FBXO16: variants seen among roughly 807,000 people sequenced by gnomAD.
FBXO16 encodes F-box only protein 16.
FBXO16 carries 31 observed loss-of-function variants against 41.0 expected under a neutral mutation model. That is an observed-to-expected ratio of 0.76 (90% CI 0.57 to 1.02). The LOEUF (loss-of-function observed/expected upper bound fraction) is 1.02, where lower values mean the gene tolerates loss of function less well. Ranked by LOEUF, FBXO16 falls within the 50% of genes least tolerant of loss-of-function variation. The pLI is 0.00. For synonymous variants in FBXO16, 133 were observed against 117.8 expected, an observed-to-expected ratio of 1.13 and a Z score of -0.84; for missense variants, 361 against 346.2, an observed-to-expected ratio of 1.04 and a Z score of -0.34.
At chr8:28,488,512 C>A (rs996326397) in intron 1 of FBXO16, among the ~76,000 whole-genome samples, 1 of 151,272 alleles carries the variant, frequency 6.6e-6, no homozygotes, top group South Asian at 2.1e-4. Context: ...CTTTGTTGCC[C>A]AAGCTGGTCT....
At chr8:28,452,580 C>T in intron 5 of FBXO16, 104 bp from the exon 6 acceptor site, 1 of 1,025,674 alleles carries the variant, frequency 9.7e-7, no homozygotes, top group South Asian at 1.6e-5. Context: ...GCAGGCGGAT[C>T]ACCTGAGGTC....
At chr8:28,483,226 G>A (rs1461080772) in intron 2 of FBXO16, 122 bp downstream of exon 2, 1 of 903,876 alleles carries the variant, frequency 1.1e-6, no homozygotes, top group African/African-American at 1.7e-5. Flanking sequence ...CTTCATTTTG[G>A]TTTTTATTCA....
intron 4 of FBXO16, among the ~76,000 whole-genome samples, chr8:28,462,500 G>C (rs966788355): frequency 1.3e-5 from 2 of 150,546 alleles, no homozygotes; most frequent in Non-Finnish European, 1.5e-5. Flanking sequence ...GGATGGTCTC[G>C]ATCTCCTGAC....
intron 7 of FBXO16, among the ~76,000 whole-genome samples, chr8:28,441,872 T>TTATA (rs36230032): frequency 2.1e-5 from 3 of 145,846 alleles, no homozygotes; most frequent in Non-Finnish European, 4.5e-5. Flanking sequence ...ATATGTGTGT[T>TTATA]TATATATATA....
intron 7 of FBXO16, among the ~76,000 whole-genome samples, chr8:28,438,447 C>G (rs1023664078): frequency 2.0e-5 from 3 of 152,148 alleles, no homozygotes; most frequent in African/African-American, 7.2e-5. Context: ...GGGCCAGGGC[C>G]TCCCACCAAT....
Position 28,483,239 on chromosome 8 carries a change from C to T in FBXO16, c.99+109G>A, listed in dbSNP as rs533293936. On this transcript the variant is annotated intron_variant, in intron 2 of 8. Transcript: ENST00000380254. ...ATCTTCATTTTGGTTTTTATTCATC[C>T]ATTACACAATCTTAAATAATCCCTG... 548 of 1,003,572 alleles carry T rather than the reference C, an allele frequency of 5.5e-4. 4 individuals are homozygous for T. The African/African-American group carries it at 8.5e-3, about 16-fold the overall frequency. 62.2% of individuals were successfully genotyped at this position (1,003,572 alleles called of 1,614,324 possible).
intron 2 of FBXO16, among the ~76,000 whole-genome samples, chr8:28,478,793 G>C (rs1443165427): frequency 7.0e-6 from 1 of 143,176 alleles, no homozygotes; most frequent in African/African-American, 2.7e-5. Context: ...TTGCACTCCA[G>C]CCTGGGCAAC....
chr8:28,471,182 G>A (rs1803328044), intron 3 of FBXO16, among the ~76,000 whole-genome samples: 2 of 152,144 alleles, frequency 1.3e-5, no homozygotes, highest in Non-Finnish European at 1.5e-5. Flanking sequence ...TATTTTATTT[G>A]CTGTTGTACA....
chr8:28,466,441 G>A (rs181133815), intron 3 of FBXO16, among the ~76,000 whole-genome samples: 1 of 152,014 alleles, frequency 6.6e-6, no homozygotes, highest in African/African-American at 2.4e-5. Flanking sequence ...ATGTGTGAGT[G>A]TTCCCTGACA....
At chr8:28,478,023 A>G (rs1319451339) in intron 2 of FBXO16, among the ~76,000 whole-genome samples, 1 of 152,106 alleles carries the variant, frequency 6.6e-6, no homozygotes, top group Non-Finnish European at 1.5e-5. Context: ...ACAAACAAAC[A>G]AACACCAGCT....
chr8:28,474,217 C>G (rs1803382147), intron 2 of FBXO16, among the ~76,000 whole-genome samples: 1 of 147,820 alleles, frequency 6.8e-6, no homozygotes, highest in Non-Finnish European at 1.5e-5. Context: ...CCAGCTGAGG[C>G]TGAAGTGGGA....
chr8:28,429,982 C>T (rs371829699), intron 7 of FBXO16, among the ~76,000 whole-genome samples: 3 of 152,318 alleles, frequency 2.0e-5, no homozygotes, highest in South Asian at 2.1e-4. Flanking sequence ...TTGTGTTGAA[C>T]GTATGCTCTA....
intron 1 of FBXO16, among the ~76,000 whole-genome samples, chr8:28,484,544 G>C (rs1803569921): frequency 6.6e-6 from 1 of 152,214 alleles, no homozygotes; most frequent in African/African-American, 2.4e-5. Context: ...ACCAGGCTAG[G>C]CCAGTTGGGC....
chr8:28,461,559 T>C (rs1228986454), intron 4 of FBXO16, among the ~76,000 whole-genome samples: 1 of 151,858 alleles, frequency 6.6e-6, no homozygotes, highest in Non-Finnish European at 1.5e-5. Context: ...TGTTGGTCTT[T>C]TTTTTTTCTT....
intron 3 of FBXO16, among the ~76,000 whole-genome samples, chr8:28,464,543 C>A (rs1803200468): frequency 2.0e-5 from 3 of 152,190 alleles, no homozygotes; most frequent in Non-Finnish European, 2.9e-5. Flanking sequence ...CACTGGAAGT[C>A]TTAATCTCTT....
intron 7 of FBXO16, among the ~76,000 whole-genome samples, chr8:28,443,468 GGTATGTCAC>G: frequency 6.6e-6 from 1 of 152,054 alleles, no homozygotes; most frequent in East Asian, 1.9e-4. Flanking sequence ...AGGGTTTGGG[GGTATGTCAC>G]TTTCATCTTT....
In FBXO16 at chr8:28,486,934, C is replaced by A. The variant is rs182749390; in HGVS notation, c.-17+3252G>T. Among the ~76,000 whole-genome samples the A allele has an allele frequency of 3.3e-5, 5 of 152,144 alleles. No homozygotes were observed. The East Asian group carries it at 9.6e-4, about 29-fold the overall frequency. ...AAGAATATGATGAAAGCTATGAATT[C>A]TCCCCCTAGAAAAATGCACATACAC... On this transcript the variant is annotated intron_variant, in intron 1 of 8. Transcript: ENST00000380254.
intron 7 of FBXO16, among the ~76,000 whole-genome samples, chr8:28,430,055 CA>C (rs1268041846): frequency 6.6e-6 from 1 of 152,110 alleles, no homozygotes; most frequent in East Asian, 1.9e-4. Context: ...AAACTCCCTG[CA>C]AGCAAAACTG....
chr8:28,468,143 T>G (rs1803274735), intron 3 of FBXO16, among the ~76,000 whole-genome samples: 1 of 152,134 alleles, frequency 6.6e-6, no homozygotes, highest in African/African-American at 2.4e-5. Flanking sequence ...AAAATACCCC[T>G]AACTGAGTAG....
Sources: allele counts gnomAD v4.1 joint callset (sites outside exome capture counted in the v4.1 genomes callset), GRCh38; gene constraint gnomAD v4.1.1; transcripts MANE v1.5; gene names NCBI Gene and HGNC (gene_info 2026-07-23, HGNC 2026-07-21).